The following PKNOX2 variants were observed in gnomAD, a reference collection of about 807,000 sequenced individuals.
The protein encoded by PKNOX2 is PBX/knotted 1 homeobox 2.
Under a neutral mutation model 53.1 loss-of-function variants are expected in PKNOX2, and 14 were observed. The observed-to-expected ratio is 0.26, with a 90% CI of 0.17 to 0.41. The LOEUF (loss-of-function observed/expected upper bound fraction) is 0.41. PKNOX2 is among the 10% of genes least tolerant of loss of function. PKNOX2 has a pLI of 1.00. For missense variants in PKNOX2, 496 were observed against 602.8 expected, an observed-to-expected ratio of 0.82 and a Z score of 1.85; for synonymous variants, 257 against 242.8, an observed-to-expected ratio of 1.06 and a Z score of -0.54.
chr11:125,302,990 C>T, intron 2 of PKNOX2, among the ~76,000 whole-genome samples: 1 of 152,118 alleles, frequency 6.6e-6, no homozygotes. Context: ...GAGCTTAGGG[C>T]CCCAGCAGCC....
intron 2 of PKNOX2, among the ~76,000 whole-genome samples, chr11:125,297,571 T>C (rs1415407526): frequency 6.6e-6 from 1 of 152,116 alleles, no homozygotes; most frequent in Non-Finnish European, 1.5e-5. Flanking sequence ...TGCAAATGAG[T>C]GTTGTGCACT....
chr11:125,216,481 C>T (rs1940514833), intron 1 of PKNOX2, among the ~76,000 whole-genome samples: 1 of 152,196 alleles, frequency 6.6e-6, no homozygotes, highest in Admixed American at 6.5e-5. Flanking sequence ...AGAAACCCGC[C>T]TGGGGAGGCA....
At chr11:125,267,309 G>A (rs1300513660) in intron 2 of PKNOX2, among the ~76,000 whole-genome samples, 2 of 152,168 alleles carry the variant, frequency 1.3e-5, no homozygotes, top group South Asian at 2.1e-4. Flanking sequence ...GATAGTGCTC[G>A]TATCTGGAGT....
chr11:125,206,226 G>A (rs564303967), intron 1 of PKNOX2, among the ~76,000 whole-genome samples: 11 of 152,012 alleles, frequency 7.2e-5, no homozygotes, highest in Non-Finnish European at 1.6e-4. Flanking sequence ...TCAAGGGCAA[G>A]GGCTGTGGGC....
chr11:125,341,870 C>G (rs1950705533), intron 3 of PKNOX2, among the ~76,000 whole-genome samples: 1 of 152,258 alleles, frequency 6.6e-6, no homozygotes, highest in South Asian at 2.1e-4. Flanking sequence ...TTCCCTTCCC[C>G]AGGGCTGGCT....
intron 1 of PKNOX2, among the ~76,000 whole-genome samples, chr11:125,176,795 G>C (rs1955741242): frequency 6.6e-6 from 1 of 152,184 alleles, no homozygotes; most frequent in African/African-American, 2.4e-5. Flanking sequence ...TGGGCACCAG[G>C]AGAATGCTGC....
chr11:125,237,516 A>G (rs149480532), intron 2 of PKNOX2, among the ~76,000 whole-genome samples: 1,659 of 152,332 alleles, frequency 0.011, 39 homozygotes, highest in African/African-American at 0.037. Context: ...GTGGTCTGGC[A>G]CAGCACAGCC....
At chr11:125,255,203 C>T (rs975195348) in intron 2 of PKNOX2, among the ~76,000 whole-genome samples, 4 of 152,196 alleles carry the variant, frequency 2.6e-5, no homozygotes, top group African/African-American at 7.2e-5. Context: ...GAAGATGAAA[C>T]GAGCGAATGC....
rs563879185 is a variant in PKNOX2 at position 125,201,297 on chromosome 11, G to C, written c.-200-33748G>C. Among the ~76,000 whole-genome samples the C allele has an allele frequency of 3.3e-3, 506 of 152,240 alleles. 6 individuals carry two copies. Among genetic ancestry groups the C allele is most frequent in the East Asian group, 0.024 (126 of 5,172 alleles). ...TGAGTGAAGCCCCCTCACTGCTGATGCCTAGAGCCTTTGGCCTGATGAGCT... is the reference window on the plus strand; with the variant it reads ...TGAGTGAAGCCCCCTCACTGCTGATCCCTAGAGCCTTTGGCCTGATGAGCT... On this transcript the variant is annotated intron_variant, in intron 1 of 12. Coordinates refer to ENST00000298282, the MANE Select transcript of PKNOX2 (RefSeq NM_001382323.2).
chr11:125,387,705 AGGCACTG>A (rs1953746974), intron 6 of PKNOX2, among the ~76,000 whole-genome samples: 1 of 152,096 alleles, frequency 6.6e-6, no homozygotes, highest in Non-Finnish European at 1.5e-5. Flanking sequence ...CTTCCATCTC[AGGCACTG>A]GGCTGGGAGT....
chr11:125,266,433 C>G (rs1270125312), intron 2 of PKNOX2, among the ~76,000 whole-genome samples: 1 of 152,208 alleles, frequency 6.6e-6, no homozygotes, highest in Non-Finnish European at 1.5e-5. Flanking sequence ...ATCCTCCCCA[C>G]TAGTAAAATG....
In PKNOX2 at chr11:125,422,419, C is replaced by G. The variant is rs904763644; in HGVS notation, c.937-6593C>G. Among the ~76,000 whole-genome samples the G allele has an allele frequency of 6.6e-6, 1 of 152,138 alleles. No individual in the cohort carries two copies. Among genetic ancestry groups the G allele is most frequent in the Non-Finnish European group, 1.5e-5 (1 of 68,012 alleles). On this transcript the variant is annotated intron_variant, in intron 10 of 12. Transcript: ENST00000298282. The surrounding 1 kb of genome is among the most constrained non-coding windows in gnomAD (Gnocchi z 4.1). Reference sequence around the variant, plus strand: ...GGGTGAGAGTGTTTTCTCCACCCATCCTTCGCTGTAGGGATCTAGAGAGAA... The same window carrying G: ...GGGTGAGAGTGTTTTCTCCACCCATGCTTCGCTGTAGGGATCTAGAGAGAA...
rs541642114 is a variant in PKNOX2 at position 125,165,304 on chromosome 11, C to G, written c.-201+528C>G. Among the ~76,000 whole-genome samples, 450 of 152,130 alleles carry G rather than the reference C, an allele frequency of 3.0e-3. 1 individual carries two copies. The highest frequency in any genetic ancestry group is 5.2e-3 in the Non-Finnish European group (356 of 67,960). ...TGTGCGCCAGGAGCGCCAGGGGACCCGAGAATAGGAACAGGCACGCCGGCC... is the reference window on the plus strand; with the variant it reads ...TGTGCGCCAGGAGCGCCAGGGGACCGGAGAATAGGAACAGGCACGCCGGCC... On this transcript the variant is annotated intron_variant, in intron 1 of 12. Coordinates refer to ENST00000298282, the MANE Select transcript of PKNOX2 (RefSeq NM_001382323.2). This position sits in a 1 kb window ranked among gnomAD's most constrained non-coding sequence, Gnocchi z 4.5.
At chr11:125,185,034 T>C (rs573649054) in intron 1 of PKNOX2, among the ~76,000 whole-genome samples, 1 of 152,310 alleles carries the variant, frequency 6.6e-6, no homozygotes, top group African/African-American at 2.4e-5. Context: ...ACCTGGCACA[T>C]AATAGATGCT....
intron 6 of PKNOX2, among the ~76,000 whole-genome samples, chr11:125,396,139 A>G (rs1565515492): frequency 6.6e-6 from 1 of 152,006 alleles, no homozygotes; most frequent in East Asian, 1.9e-4. Flanking sequence ...ATTTTAGTAG[A>G]TATGGGGTTT....
chr11:125,251,239 G>A (rs1174560766), intron 2 of PKNOX2, among the ~76,000 whole-genome samples: 3 of 152,148 alleles, frequency 2.0e-5, no homozygotes, highest in Non-Finnish European at 1.5e-5. Flanking sequence ...AAGCTTATTA[G>A]GTTGAATATT....
At chr11:125,312,779 G>A (rs909426877) in intron 2 of PKNOX2, among the ~76,000 whole-genome samples, 2 of 152,172 alleles carry the variant, frequency 1.3e-5, no homozygotes, top group Non-Finnish European at 2.9e-5. Context: ...GGTGATGGGA[G>A]CACAGAGGCA....
intron 2 of PKNOX2, among the ~76,000 whole-genome samples, chr11:125,271,887 C>T (rs1650912698): frequency 6.6e-6 from 1 of 152,200 alleles, no homozygotes; most frequent in Non-Finnish European, 1.5e-5. Context: ...GGGAAGCCGC[C>T]TTTGCCCACC....
At chr11:125,274,375 G>A (rs1483570189) in intron 2 of PKNOX2, among the ~76,000 whole-genome samples, 4 of 152,120 alleles carry the variant, frequency 2.6e-5, no homozygotes, top group African/African-American at 9.7e-5. Context: ...CTCGCTGAGG[G>A]GTTGTGTTCC....
Sources: gnomAD v4.1 joint callset for allele counts (sites outside exome capture counted in the v4.1 genomes callset) on GRCh38, gnomAD v4.1.1 for gene constraint, Gnocchi (gnomAD v3.1) non-coding constraint, MANE v1.5 for transcripts, NCBI Gene and HGNC (gene_info 2026-07-23, HGNC 2026-07-21) for gene names.